The following USH2A variants were observed in gnomAD, a reference collection of about 807,000 sequenced individuals.
USH2A encodes the protein Usher syndrome 2A (autosomal recessive, mild).
Under a neutral mutation model 538.9 loss-of-function variants are expected in USH2A, and 443 were observed. The ratio of observed to expected loss-of-function variants is 0.82; its 90% CI spans 0.76 to 0.89. The LOEUF is 0.89. USH2A is among the 40% of genes least tolerant of loss of function. USH2A has a pLI of 0.00. For missense variants in USH2A, 6,633 were observed against 6,324.8 expected, an observed-to-expected ratio of 1.05 and a Z score of -1.65; for synonymous variants, 2,413 against 2,273.5, an observed-to-expected ratio of 1.06 and a Z score of -1.75.
At position 215,925,878 on chromosome 1, in the gene USH2A, T is replaced by G. The variant is rs185068790; in HGVS notation, c.7300+8738A>C. Among the ~76,000 whole-genome samples, 126 of 152,238 alleles carry G rather than the reference T, an allele frequency of 8.3e-4. 1 individual carries two copies. Among genetic ancestry groups the G allele is most frequent in the Middle Eastern group, 3.4e-3 (1 of 294 alleles). On this transcript the variant is annotated intron_variant, in intron 38 of 71. Coordinates refer to ENST00000307340, the MANE Select transcript of USH2A (RefSeq NM_206933.4). Reference sequence around the variant, plus strand: ...TATATCTGTACTCGGCAAGCAAGCTTTCACATTTTTGAGAACCATTAGTTT... The same window carrying G: ...TATATCTGTACTCGGCAAGCAAGCTGTCACATTTTTGAGAACCATTAGTTT...
At chr1:216,264,881 A>C (rs1310023000) in intron 11 of USH2A, among the ~76,000 whole-genome samples, 1 of 152,096 alleles carries the variant, frequency 6.6e-6, no homozygotes. Flanking sequence ...GAATGAAAAT[A>C]GACCCCCGTC....
chr1:216,378,502 G>T (rs1022384646), intron 3 of USH2A, among the ~76,000 whole-genome samples: 1 of 152,080 alleles, frequency 6.6e-6, no homozygotes, highest in Non-Finnish European at 1.5e-5. Context: ...CAAGATGTAG[G>T]GATGAAGAGA....
chr1:216,343,720 G>A (rs1005507091), intron 4 of USH2A, among the ~76,000 whole-genome samples: 1 of 151,884 alleles, frequency 6.6e-6, no homozygotes, highest in South Asian at 2.1e-4. Context: ...ATGGGGTCAG[G>A]TTAATTATCT....
intron 64 of USH2A, among the ~76,000 whole-genome samples, chr1:215,667,509 C>T (rs1227559933): frequency 6.6e-6 from 1 of 151,900 alleles, no homozygotes; most frequent in African/African-American, 2.4e-5. Flanking sequence ...CTAGCCTGGC[C>T]AAGATGATGA....
At chr1:216,176,425 A>G (rs559351306) in intron 20 of USH2A, among the ~76,000 whole-genome samples, 2 of 146,434 alleles carry the variant, frequency 1.4e-5, no homozygotes, top group Admixed American at 6.8e-5. Context: ...GAGAAGTTTT[A>G]TGTTCATAGA....
chr1:216,250,021 CT>C (rs1238805818), intron 12 of USH2A, among the ~76,000 whole-genome samples: 10 of 152,088 alleles, frequency 6.6e-5, no homozygotes, highest in African/African-American at 2.4e-4. Flanking sequence ...TTTAAACTTC[CT>C]ATAGGAACCA....
chr1:216,096,808 T>C (rs2032451331), intron 22 of USH2A, among the ~76,000 whole-genome samples: 1 of 152,212 alleles, frequency 6.6e-6, no homozygotes, highest in African/African-American at 2.4e-5. Context: ...TATTTAAAAG[T>C]TTTAATCTTC....
At chr1:215,910,333 C>T (rs1176738455) in intron 38 of USH2A, among the ~76,000 whole-genome samples, 3 of 151,828 alleles carry the variant, frequency 2.0e-5, no homozygotes, top group Non-Finnish European at 4.4e-5. Context: ...GATTAAATCA[C>T]AAAAGAGGCA....
intron 55 of USH2A, 122 bp from the exon 56 acceptor site, chr1:215,766,910 A>G: frequency 1.1e-6 from 1 of 948,268 alleles, no homozygotes; most frequent in Non-Finnish European, 1.6e-6. Context: ...GTACTCTCTA[A>G]AACACTCTTT....
chr1:216,111,076 A>C (rs2032856147), intron 21 of USH2A, among the ~76,000 whole-genome samples: 1 of 152,086 alleles, frequency 6.6e-6, no homozygotes, highest in Non-Finnish European at 1.5e-5. Context: ...AAATACAAAA[A>C]TTAGTTGGGC....
intron 47 of USH2A, among the ~76,000 whole-genome samples, chr1:215,829,458 TAAAC>T (rs1663251061): frequency 6.6e-6 from 1 of 152,154 alleles, no homozygotes; most frequent in African/African-American, 2.4e-5. Context: ...TCACCAAAAA[TAAAC>T]AAAGAATCTA....
At chr1:216,207,061 A>C (rs560437912) in intron 16 of USH2A, among the ~76,000 whole-genome samples, 94 of 152,206 alleles carry the variant, frequency 6.2e-4, no homozygotes, top group African/African-American at 2.1e-3. Context: ...ATCTTTGAGA[A>C]TGTGATAAGC....
chr1:215,805,020 A>G (rs1662455223), intron 49 of USH2A, among the ~76,000 whole-genome samples: 1 of 152,156 alleles, frequency 6.6e-6, no homozygotes, highest in South Asian at 2.1e-4. Context: ...CATTCTCGGC[A>G]AACTATCGCA....
chr1:216,408,127 G>T (rs1187311258), intron 3 of USH2A, among the ~76,000 whole-genome samples: 1 of 152,050 alleles, frequency 6.6e-6, no homozygotes, highest in African/African-American at 2.4e-5. Context: ...TCAAATATCA[G>T]TTTTCATGTT....
chr1:216,169,950 T>C (rs2034245915), intron 21 of USH2A, among the ~76,000 whole-genome samples: 1 of 152,098 alleles, frequency 6.6e-6, no homozygotes, highest in South Asian at 2.1e-4. Flanking sequence ...AGTTGTTTTG[T>C]TTTTTATTTT....
At chr1:216,174,560 A>G in intron 21 of USH2A, 4 of 982,728 alleles carry the variant, frequency 4.1e-6, no homozygotes, top group Non-Finnish European at 4.8e-6. Flanking sequence ...ATTGATTTTC[A>G]TTTTTAAAAA....
At chr1:216,021,734 A>G (rs1668849920) in intron 32 of USH2A, among the ~76,000 whole-genome samples, 1 of 152,164 alleles carries the variant, frequency 6.6e-6, no homozygotes, top group Admixed American at 6.6e-5. Flanking sequence ...CTAATGGAAC[A>G]TCTTTGGTAT....
intron 3 of USH2A, among the ~76,000 whole-genome samples, chr1:216,393,905 C>G (rs910038752): frequency 1.3e-5 from 2 of 152,110 alleles, no homozygotes; most frequent in African/African-American, 4.8e-5. Flanking sequence ...ATCTGTTTGA[C>G]AGAGGACTTC....
intron 21 of USH2A, among the ~76,000 whole-genome samples, chr1:216,108,669 G>T (rs1264860681): frequency 6.6e-6 from 1 of 150,940 alleles, no homozygotes; most frequent in Non-Finnish European, 1.5e-5. Context: ...ATTTTTCTTT[G>T]GTTACTTCAT....
Sources: gnomAD v4.1 joint callset for allele counts (sites outside exome capture counted in the v4.1 genomes callset) on GRCh38, gnomAD v4.1.1 for gene constraint, MANE v1.5 for transcripts, NCBI Gene and HGNC (gene_info 2026-07-23, HGNC 2026-07-21) for gene names.